The following CPQ variants were observed in gnomAD, a reference collection of about 807,000 sequenced individuals.
CPQ encodes Ser-Met dipeptidase.
CPQ carries 37 observed loss-of-function variants against 45.7 expected under a neutral mutation model. The observed-to-expected ratio is 0.81, with a 90% CI of 0.62 to 1.07. The LOEUF is 1.07. CPQ is among the 50% of genes least tolerant of loss of function. CPQ has a pLI of 0.00. For synonymous variants in CPQ, 186 were observed against 205.8 expected (o/e 0.90, Z 0.82); for missense variants, 537 against 572.9 (o/e 0.94, Z 0.64).
intron 4 of CPQ, among the ~76,000 whole-genome samples, chr8:96,902,967 G>T (rs181090405): frequency 4.5e-4 from 68 of 152,296 alleles, no homozygotes; most frequent in Non-Finnish European, 9.0e-4. Flanking sequence ...CAAAGGACCT[G>T]TTGCGTCTCT....
intron 4 of CPQ, among the ~76,000 whole-genome samples, chr8:96,957,806 CAAAAAAAAAAAAGTCTGT>C (rs1256555151): frequency 7.8e-6 from 1 of 128,572 alleles, no homozygotes; most frequent in African/African-American, 2.9e-5. Context: ...CTCAAAAAAA[CAAAAAAAAAAAAGTCTGT>C]AGGGTACCAA....
rs113874684 is a variant in CPQ at position 96,729,978 on chromosome 8, A to G, written c.-34-54886A>G. The stretch of plus-strand genomic sequence containing the variant: ...GGATGAGTTTTGAAGATTTGTATTT[A>G]GTGTTGAAAATGGGCTTGGGTCTGG... On this transcript the variant is annotated intron_variant, in intron 1 of 7. Coordinates refer to ENST00000220763, the MANE Select transcript of CPQ (RefSeq NM_016134.4). Among the ~76,000 whole-genome samples, 902 of 152,230 alleles carry G rather than the reference A, an allele frequency of 5.9e-3. 14 individuals carry two copies. Among genetic ancestry groups the G allele is most frequent in the African/African-American group, 0.016 (650 of 41,520 alleles).
intron 4 of CPQ, among the ~76,000 whole-genome samples, chr8:96,914,303 TC>T (rs751374212): frequency 6.6e-6 from 1 of 152,164 alleles, no homozygotes; most frequent in South Asian, 2.1e-4. Flanking sequence ...TTTGATTCAT[TC>T]CTTGAATGCC....
In CPQ at chr8:96,835,097, C is replaced by G. The variant is rs761078904; in HGVS notation, c.558C>G (p.Tyr186Ter). Residue 186 changes from tyrosine (Y) to a stop codon, truncating the protein, a stop_gained, in exon 3 of 8, where the codon TAC becomes TAG. Transcript: ENST00000220763. LOFTEE classifies it high-confidence loss of function. The part of the protein sequence containing the change: ...PYINYSRTVQ[Y>*]RTQGAVEAAK... ...TCAACTACTCAAGGACGGTGCAATA[C>G]CGAACGCAGGGGGCGGTGGAAGCTG... is the stretch of plus-strand genomic sequence containing the variant. 1 of 1,604,938 alleles carries G rather than the reference C, an allele frequency of 6.2e-7. No homozygotes were observed. The highest frequency in any genetic ancestry group is 1.7e-5 in the Admixed American group (1 of 58,716).
intron 1 of CPQ, among the ~76,000 whole-genome samples, chr8:96,746,709 A>T (rs2130782971): frequency 6.6e-6 from 1 of 152,272 alleles, no homozygotes; most frequent in Non-Finnish European, 1.5e-5. Context: ...TTTATACATT[A>T]TTTACTTTTG....
At chr8:96,909,487 A>G (rs1015719604) in intron 4 of CPQ, among the ~76,000 whole-genome samples, 3 of 152,158 alleles carry the variant, frequency 2.0e-5, no homozygotes, top group Non-Finnish European at 2.9e-5. Context: ...TCTCTTCAGT[A>G]TACTTACCAT....
intron 1 of CPQ, among the ~76,000 whole-genome samples, chr8:96,651,750 A>G (rs1815579165): frequency 6.6e-6 from 1 of 152,146 alleles, no homozygotes; most frequent in Non-Finnish European, 1.5e-5. Context: ...ATATATGTAC[A>G]TGATATATAT....
At position 96,871,955 on chromosome 8, in the gene CPQ, G is replaced by A. The variant is rs1812076400; in HGVS notation, c.642-7843G>A. Among the ~76,000 whole-genome samples, 2 of 151,770 alleles carry A rather than the reference G, an allele frequency of 1.3e-5. 1 individual carries two copies. The highest frequency in any genetic ancestry group is 4.2e-4 in the South Asian group (2 of 4,816). ...ATTGGCGATGAGTTTGTTCTCCAAA[G>A]CAAAATAACCAAAACAAAATCAGAA... is the stretch of plus-strand genomic sequence containing the variant. On this transcript the variant is annotated intron_variant, in intron 3 of 7. Transcript: ENST00000220763.
chr8:96,953,441 C>T (rs1813302054), intron 4 of CPQ, among the ~76,000 whole-genome samples: 1 of 152,116 alleles, frequency 6.6e-6, no homozygotes, highest in African/African-American at 2.4e-5. Context: ...ATTATTCCTT[C>T]AGGGCAAGTC....
At chr8:96,927,811 T>C (rs1265415423) in intron 4 of CPQ, among the ~76,000 whole-genome samples, 1 of 152,192 alleles carries the variant, frequency 6.6e-6, no homozygotes, top group African/African-American at 2.4e-5. Flanking sequence ...TTCCACCACC[T>C]TTTTTTGCCT....
chr8:96,746,524 T>C (rs569403072), intron 1 of CPQ, among the ~76,000 whole-genome samples: 11 of 152,318 alleles, frequency 7.2e-5, no homozygotes, highest in Admixed American at 5.9e-4. Flanking sequence ...GACTCTGCTC[T>C]GTCCACTTAT....
At chr8:96,838,964 T>C (rs1325476317) in intron 3 of CPQ, among the ~76,000 whole-genome samples, 3 of 152,112 alleles carry the variant, frequency 2.0e-5, no homozygotes, top group Non-Finnish European at 4.4e-5. Context: ...TGAACAAAGA[T>C]GTTTTGAGTT....
intron 5 of CPQ, among the ~76,000 whole-genome samples, chr8:96,991,821 T>C (rs1040813645): frequency 6.6e-6 from 1 of 152,154 alleles, no homozygotes; most frequent in African/African-American, 2.4e-5. Flanking sequence ...TGTTTGATGT[T>C]GTTGTTATGT....
At chr8:96,926,623 C>CT (rs1554578093) in intron 4 of CPQ, among the ~76,000 whole-genome samples, 4,294 of 125,336 alleles carry the variant, frequency 0.034, 427 homozygotes, top group African/African-American at 0.13. Flanking sequence ...TCTTCTTCTT[C>CT]TCCTCCTTCT....
chr8:96,931,313 T>C (rs1812971737), intron 4 of CPQ, among the ~76,000 whole-genome samples: 1 of 152,250 alleles, frequency 6.6e-6, no homozygotes, highest in South Asian at 2.1e-4. Context: ...AGGACAAGTA[T>C]GTGTTTTCCT....
intron 2 of CPQ, among the ~76,000 whole-genome samples, chr8:96,808,315 G>T (rs1811112479): frequency 6.6e-6 from 1 of 152,128 alleles, no homozygotes; most frequent in African/African-American, 2.4e-5. Context: ...TGGTAGTTTA[G>T]CTGCAGCTGC....
intron 6 of CPQ, among the ~76,000 whole-genome samples, chr8:97,063,316 T>G (rs1244378293): frequency 2.0e-5 from 3 of 152,158 alleles, no homozygotes; most frequent in Non-Finnish European, 4.4e-5. Context: ...TGCCCACTTT[T>G]TAATGGGGTT....
chr8:96,790,604 AG>A (rs1198651991), intron 2 of CPQ, among the ~76,000 whole-genome samples: 4 of 152,030 alleles, frequency 2.6e-5, no homozygotes, highest in Non-Finnish European at 5.9e-5. Context: ...TTGGGTGGAG[AG>A]AAAGCTCTTA....
chr8:96,886,278 C>A (rs1812306337), intron 4 of CPQ, among the ~76,000 whole-genome samples: 1 of 152,168 alleles, frequency 6.6e-6, no homozygotes, highest in South Asian at 2.1e-4. Context: ...ACTGCATTCT[C>A]TCAAGACAGC....
Sources: gnomAD v4.1 joint callset for allele counts (sites outside exome capture counted in the v4.1 genomes callset) on GRCh38, gnomAD v4.1.1 for gene constraint, MANE v1.5 for transcripts, NCBI Gene and HGNC (gene_info 2026-07-23, HGNC 2026-07-21) for gene names.